Variants in GRM1 observed in about 807,000 individuals in gnomAD.
GRM1 encodes metabotropic glutamate receptor 1.
A neutral mutation model predicts 90.9 loss-of-function variants in GRM1; 33 were observed. That is an observed-to-expected ratio of 0.36 (90% CI 0.28 to 0.49). The LOEUF is 0.49. Ranked by LOEUF, GRM1 falls within the 20% of genes least tolerant of loss-of-function variation. The probability of loss-of-function intolerance (pLI) is 0.99; values close to 1 mark genes in which losing one functional copy is unlikely to be tolerated. For missense variants in GRM1, 1,190 were observed against 1,534.3 expected, an observed-to-expected ratio of 0.78 and a Z score of 3.75; for synonymous variants, 700 against 613.2, an observed-to-expected ratio of 1.14 and a Z score of -2.09.
intron 5 of GRM1, among the ~76,000 whole-genome samples, chr6:146,373,148 G>A (rs1313243299): frequency 1.3e-5 from 2 of 151,894 alleles, no homozygotes; most frequent in East Asian, 1.9e-4. Flanking sequence ...TTTCATCAGC[G>A]TTTTATAGTT....
chr6:146,257,554 T>TATATA (rs58680072), intron 2 of GRM1, among the ~76,000 whole-genome samples: 33,806 of 151,354 alleles, frequency 0.22, 7,894 homozygotes, highest in African/African-American at 0.6. Flanking sequence ...TGTGTGTACA[T>TATATA]ATATATATTA....
At position 146,399,430 on chromosome 6, in the gene GRM1, C is replaced by T. The variant is rs1583444161; in HGVS notation, c.2391C>T (p.Ile797=). The change falls in exon 7 of 8, where the codon ATC becomes ATT. Residue 797 remains isoleucine, a synonymous_variant. Coordinates refer to ENST00000282753, the MANE Select transcript of GRM1 (RefSeq NM_001278064.2). This position sits in a 1 kb window ranked among gnomAD's most constrained non-coding sequence, Gnocchi z 5.4. The part of the protein sequence containing the change: ...IAFTMYTTCI[I]WLAFVPIYFG... ...TCACCATGTACACCACCTGTATCAT[C>T]TGGCTAGCTTTTGTGCCCATTTACT... 3.7e-6 allele frequency: 6 copies of T among 1,614,210 alleles called. No homozygotes were observed. The highest frequency in any genetic ancestry group is 2.5e-6 in the Non-Finnish European group (3 of 1,180,042).
At chr6:146,031,654 G>T (rs527594668) in intron 1 of GRM1, among the ~76,000 whole-genome samples, 1 of 151,990 alleles carries the variant, frequency 6.6e-6, no homozygotes, top group African/African-American at 2.4e-5. Context: ...CATGAACTGC[G>T]TATCTCTTTT....
intron 1 of GRM1, among the ~76,000 whole-genome samples, chr6:146,061,325 T>G (rs1471949046): frequency 6.6e-6 from 1 of 152,248 alleles, no homozygotes; most frequent in Admixed American, 6.5e-5. Flanking sequence ...ACTCATAGAC[T>G]TGTTCTATGC....
Position 146,424,057 on chromosome 6 carries a change from G to A in GRM1, c.2661-9815G>A, listed in dbSNP as rs563960670. Among the ~76,000 whole-genome samples the A allele has an allele frequency of 1.8e-4, 28 of 152,242 alleles. 1 individual carries two copies. The highest frequency in any genetic ancestry group is 4.2e-4 in the South Asian group (2 of 4,814). On this transcript the variant is annotated intron_variant, in intron 7 of 7. Coordinates refer to ENST00000282753, the MANE Select transcript of GRM1 (RefSeq NM_001278064.2). ...CAGGTTCCTCTCCAGCCAGTCACTG[G>A]GCAGAGGTCATAGGGAAGTTGAACC...
At chr6:146,080,351 A>G (rs1776322843) in intron 1 of GRM1, among the ~76,000 whole-genome samples, 1 of 152,048 alleles carries the variant, frequency 6.6e-6, no homozygotes, top group South Asian at 2.1e-4. Flanking sequence ...TCACTGCTTC[A>G]ATGAAGGGAT....
At chr6:146,367,521 T>G (rs1775738068) in intron 5 of GRM1, among the ~76,000 whole-genome samples, 1 of 152,104 alleles carries the variant, frequency 6.6e-6, no homozygotes, top group South Asian at 2.1e-4. Context: ...GATGATCCAG[T>G]GGCCCAGTTG....
intron 2 of GRM1, among the ~76,000 whole-genome samples, chr6:146,187,194 A>G (rs528930833): frequency 6.6e-6 from 1 of 152,310 alleles, no homozygotes; most frequent in South Asian, 2.1e-4. Flanking sequence ...TGCACAGGTA[A>G]CAACCAAATG....
chr6:146,298,052 A>G (rs1300956192), intron 2 of GRM1, among the ~76,000 whole-genome samples: 3 of 152,204 alleles, frequency 2.0e-5, no homozygotes, highest in Non-Finnish European at 2.9e-5. Flanking sequence ...GCAACCCAAG[A>G]AACTGCCCAG....
chr6:146,174,384 A>G (rs983460186), intron 2 of GRM1, among the ~76,000 whole-genome samples: 4 of 152,218 alleles, frequency 2.6e-5, no homozygotes, highest in African/African-American at 9.6e-5. Flanking sequence ...CTCATCAAAT[A>G]TAGCACATTA....
At chr6:146,168,650 A>G (rs917388291) in intron 2 of GRM1, among the ~76,000 whole-genome samples, 2 of 151,768 alleles carry the variant, frequency 1.3e-5, no homozygotes, top group African/African-American at 4.8e-5. Context: ...ACTGAGACAC[A>G]TTTTCTTCTA....
chr6:146,162,523 A>G (rs774687142), intron 2 of GRM1, among the ~76,000 whole-genome samples: 3 of 152,186 alleles, frequency 2.0e-5, no homozygotes, highest in Non-Finnish European at 4.4e-5. Context: ...TGATAACCTC[A>G]GAATCGGACC....
At chr6:146,156,275 AC>A in intron 1 of GRM1, among the ~76,000 whole-genome samples, 1 of 152,270 alleles carries the variant, frequency 6.6e-6, no homozygotes, top group East Asian at 1.9e-4. Flanking sequence ...GTGTGGTGGC[AC>A]ATACCTGTAG....
At chr6:146,414,527 C>G (rs1777700362) in intron 7 of GRM1, among the ~76,000 whole-genome samples, 3 of 151,996 alleles carry the variant, frequency 2.0e-5, no homozygotes, top group Admixed American at 1.3e-4. Flanking sequence ...CTCAGCCTCC[C>G]AAGTAGCTGG....
intron 3 of GRM1, among the ~76,000 whole-genome samples, chr6:146,312,917 G>T (rs1295536029): frequency 6.6e-6 from 1 of 152,180 alleles, no homozygotes; most frequent in Non-Finnish European, 1.5e-5. Context: ...GTCTTAAAGA[G>T]CCTAGTTAAG....
At chr6:146,316,743 G>C (rs1186932396) in intron 3 of GRM1, among the ~76,000 whole-genome samples, 1 of 151,896 alleles carries the variant, frequency 6.6e-6, no homozygotes, top group African/African-American at 2.4e-5. Flanking sequence ...CTCTGATTGG[G>C]GACTGTCTTT....
chr6:146,384,094 T>C (rs1776412124), intron 5 of GRM1, among the ~76,000 whole-genome samples: 1 of 152,112 alleles, frequency 6.6e-6, no homozygotes, highest in African/African-American at 2.4e-5. Context: ...GCCATCTTGC[T>C]AATTTAAGAA....
At chr6:146,260,613 AC>A (rs1218957143) in intron 2 of GRM1, among the ~76,000 whole-genome samples, 1 of 152,040 alleles carries the variant, frequency 6.6e-6, no homozygotes, top group African/African-American at 2.4e-5. Context: ...TTACACTCCT[AC>A]CAACAGTGTA....
At chr6:146,327,061 G>A (rs544060457) in intron 3 of GRM1, among the ~76,000 whole-genome samples, 11 of 152,222 alleles carry the variant, frequency 7.2e-5, no homozygotes, top group Non-Finnish European at 1.5e-4. Context: ...TGTAACATTA[G>A]TATGTTAGAT....
Sources: gnomAD v4.1 joint callset for allele counts (sites outside exome capture counted in the v4.1 genomes callset) on GRCh38, gnomAD v4.1.1 for gene constraint, Gnocchi (gnomAD v3.1) non-coding constraint, MANE v1.5 for transcripts, NCBI Gene and HGNC (gene_info 2026-07-23, HGNC 2026-07-21) for gene names.